CSMD3: variants seen among roughly 807,000 people sequenced by gnomAD.
CSMD3 encodes CUB and Sushi multiple domains 3.
In CSMD3, 177 loss-of-function variants were observed where a neutral mutation model predicts 435.2. That is an observed-to-expected ratio of 0.41 (90% CI 0.36 to 0.46). The LOEUF (loss-of-function observed/expected upper bound fraction) is 0.46, where lower values mean the gene tolerates loss of function less well. Ranked by LOEUF, CSMD3 falls within the 20% of genes least tolerant of loss-of-function variation. The pLI, the probability that CSMD3 is intolerant of heterozygous loss-of-function variation, is 0.34. For missense variants in CSMD3, 4,265 were observed against 4,504.6 expected, an observed-to-expected ratio of 0.95 and a Z score of 1.52; for synonymous variants, 1,656 against 1,520.5, an observed-to-expected ratio of 1.09 and a Z score of -2.07.
At chr8:113,020,321 A>G (rs1029812323) in intron 5 of CSMD3, among the ~76,000 whole-genome samples, 2 of 152,118 alleles carry the variant, frequency 1.3e-5, no homozygotes, top group Admixed American at 6.5e-5. Context: ...ACCATTTATA[A>G]TATACTCAAA....
At chr8:112,473,931 T>G (rs964652206) in intron 31 of CSMD3, among the ~76,000 whole-genome samples, 1 of 152,002 alleles carries the variant, frequency 6.6e-6, no homozygotes, top group African/African-American at 2.4e-5. Context: ...GGGCTGAGCC[T>G]GTTGCCGACA....
intron 35 of CSMD3, among the ~76,000 whole-genome samples, chr8:112,392,439 G>A (rs1302515254): frequency 6.6e-6 from 1 of 150,886 alleles, no homozygotes; most frequent in African/African-American, 2.4e-5. Context: ...TACAAATTCT[G>A]TTTAAATTAG....
chr8:112,908,328 C>T (rs1471309861), intron 10 of CSMD3, among the ~76,000 whole-genome samples: 1 of 151,438 alleles, frequency 6.6e-6, no homozygotes. Context: ...ATTACAACTT[C>T]AGTTTCCTTA....
intron 1 of CSMD3, among the ~76,000 whole-genome samples, chr8:113,407,263 CT>C (rs1161422927): frequency 6.6e-6 from 1 of 152,126 alleles, no homozygotes; most frequent in Non-Finnish European, 1.5e-5. Flanking sequence ...GGAAATATGT[CT>C]TTTGCTCACT....
intron 3 of CSMD3, among the ~76,000 whole-genome samples, chr8:113,257,798 A>T (rs1310103757): frequency 6.6e-6 from 1 of 152,236 alleles, no homozygotes; most frequent in East Asian, 1.9e-4. Flanking sequence ...GTAGAAACAT[A>T]AATTGCTCAC....
chr8:112,991,374 C>T (rs1445486858), intron 6 of CSMD3, among the ~76,000 whole-genome samples: 1 of 151,642 alleles, frequency 6.6e-6, no homozygotes, highest in Non-Finnish European at 1.5e-5. Context: ...TCAGATCCCC[C>T]ATTTATGCTG....
At chr8:112,571,044 G>T (rs564467720) in intron 24 of CSMD3, among the ~76,000 whole-genome samples, 1 of 151,970 alleles carries the variant, frequency 6.6e-6, no homozygotes, top group South Asian at 2.1e-4. Context: ...TTTCACTCTT[G>T]TTGCCTAGGC....
intron 3 of CSMD3, among the ~76,000 whole-genome samples, chr8:113,229,950 A>G (rs2132179934): frequency 6.6e-6 from 1 of 151,694 alleles, no homozygotes; most frequent in South Asian, 2.1e-4. Context: ...TACCACGTGA[A>G]GAAAGGGCTT....
At chr8:113,366,757 A>C (rs1166614717) in intron 1 of CSMD3, among the ~76,000 whole-genome samples, 2 of 152,054 alleles carry the variant, frequency 1.3e-5, no homozygotes, top group Non-Finnish European at 2.9e-5. Context: ...AAAGCTGGAA[A>C]ATTTTTATAA....
At chr8:113,147,905 C>T (rs1186121653) in intron 4 of CSMD3, among the ~76,000 whole-genome samples, 1 of 151,688 alleles carries the variant, frequency 6.6e-6, no homozygotes, top group Non-Finnish European at 1.5e-5. Flanking sequence ...TCACTCTTAT[C>T]CAAGCCACTA....
chr8:112,898,364 T>A (rs1477740826), intron 10 of CSMD3, among the ~76,000 whole-genome samples: 1 of 151,280 alleles, frequency 6.6e-6, no homozygotes, highest in Non-Finnish European at 1.5e-5. Context: ...ATTTATCACA[T>A]AATATGCATT....
chr8:113,397,132 A>G (rs1039180879), intron 1 of CSMD3, among the ~76,000 whole-genome samples: 2 of 152,172 alleles, frequency 1.3e-5, no homozygotes, highest in African/African-American at 2.4e-5. Flanking sequence ...ACCCTTGTCA[A>G]TTTGGTATGA....
intron 17 of CSMD3, among the ~76,000 whole-genome samples, chr8:112,662,414 A>C (rs1263469622): frequency 5.3e-5 from 8 of 151,968 alleles, no homozygotes; most frequent in African/African-American, 1.7e-4. Context: ...CAAAAACAAG[A>C]AATGGGGAAA....
At chr8:112,494,020 C>T (rs1373490649) in intron 30 of CSMD3, among the ~76,000 whole-genome samples, 1 of 152,028 alleles carries the variant, frequency 6.6e-6, no homozygotes. Context: ...TGTTTGGCTA[C>T]TACAAACATA....
intron 7 of CSMD3, among the ~76,000 whole-genome samples, chr8:112,960,985 C>A (rs1421059307): frequency 6.6e-6 from 1 of 151,662 alleles, no homozygotes; most frequent in Non-Finnish European, 1.5e-5. Context: ...CTTACTCTTG[C>A]ATGTTTGATG....
intron 12 of CSMD3, among the ~76,000 whole-genome samples, chr8:112,823,774 G>T (rs1377937928): frequency 6.6e-6 from 1 of 152,142 alleles, no homozygotes; most frequent in African/African-American, 2.4e-5. Flanking sequence ...AGGCCATGTA[G>T]CACTGAGAAG....
intron 1 of CSMD3, among the ~76,000 whole-genome samples, chr8:113,384,968 T>G (rs1218899153): frequency 3.3e-5 from 5 of 152,104 alleles, no homozygotes; most frequent in African/African-American, 1.2e-4. Flanking sequence ...GTTTAGTGAA[T>G]AGCTTAATAA....
At chr8:112,255,765 GA>G (rs1427770731) in intron 61 of CSMD3, 2 of 298,316 alleles carry the variant, frequency 6.7e-6, no homozygotes, top group Non-Finnish European at 1.3e-5. Flanking sequence ...GTATAGCCTT[GA>G]AAAAGTAGGT....
chr8:112,690,161 A>G, intron 13 of CSMD3, 111 bp from the exon 14 acceptor site: 1 of 805,628 alleles, frequency 1.2e-6, no homozygotes, highest in Non-Finnish European at 2.1e-6. Context: ...TCAGAACAAA[A>G]AATAAATATA....
Sources: gnomAD v4.1 joint callset for allele counts (sites outside exome capture counted in the v4.1 genomes callset) on GRCh38, gnomAD v4.1.1 for gene constraint, MANE v1.5 for transcripts, NCBI Gene and HGNC (gene_info 2026-07-23, HGNC 2026-07-21) for gene names.